PCDH11Y: variants seen among roughly 807,000 people sequenced by gnomAD.
The protein encoded by PCDH11Y is protocadherin-11 Y-linked.
For missense variants in PCDH11Y, 12 were observed against 224.8 expected (o/e 0.05, Z 6.05); for synonymous variants, 9 against 83.6 (o/e 0.11, Z 4.87).
intron 2 of PCDH11Y, among the ~76,000 whole-genome samples, chrY:5,115,850 C>T (rs1602870424): frequency 1.8e-4 from 5 of 27,746 alleles, no homozygotes; most frequent in Admixed American, 6.8e-4. Flanking sequence ...ACGCCATTCT[C>T]CTGCCTCAGC....
chrY:5,223,053 T>C, intron 2 of PCDH11Y, among the ~76,000 whole-genome samples: 2 of 33,191 alleles, frequency 6.0e-5, no homozygotes, highest in African/African-American at 2.4e-4. Context: ...TTATCAATTT[T>C]GTTTATCTTT....
At chrY:5,173,570 G>A (rs2124645897) in intron 2 of PCDH11Y, among the ~76,000 whole-genome samples, 34 of 32,946 alleles carry the variant, frequency 1.0e-3, no homozygotes, top group African/African-American at 3.6e-3. Context: ...ACATCATATG[G>A]GGATTGTGTG....
chrY:5,073,904 A>G lies in PCDH11Y; in HGVS notation c.636+16445A>G, dbSNP rs1602856741. Among the ~76,000 whole-genome samples the G allele has an allele frequency of 1.6e-4, 5 of 32,241 alleles. No individual in the cohort carries two copies. The East Asian group carries it at 4.1e-3, about 26-fold the overall frequency. 86.5% of individuals were successfully genotyped at this position (32,241 alleles called of 37,273 possible). ...ATGTTATTAGTTTCTATACATTTAT[A>G]TTTTCTCAGAGTCTTTTCTGATTAT... On this transcript the variant is annotated intron_variant, in intron 1 of 1. Coordinates refer to ENST00000215473, the Ensembl canonical transcript of PCDH11Y.
chrY:5,205,293 A>G, intron 2 of PCDH11Y, among the ~76,000 whole-genome samples: 1 of 30,660 alleles, frequency 3.3e-5, no homozygotes, highest in African/African-American at 1.3e-4. Context: ...TGTATAGAGC[A>G]TTTTATGTTG....
chrY:5,626,486 C>T (rs2124703135), intron 4 of PCDH11Y, among the ~76,000 whole-genome samples: 1 of 32,177 alleles, frequency 3.1e-5, no homozygotes, highest in East Asian at 8.1e-4. Context: ...GTTCTCTAGG[C>T]GTGATATTAT....
At chrY:5,592,529 GTACT>G in intron 4 of PCDH11Y, among the ~76,000 whole-genome samples, 1 of 31,543 alleles carries the variant, frequency 3.2e-5, no homozygotes. Flanking sequence ...TTCAAGGTTA[GTACT>G]GATATGTATG....
chrY:5,004,304 G>T, intron 1 of PCDH11Y, among the ~76,000 whole-genome samples: 2 of 33,628 alleles, frequency 5.9e-5, no homozygotes, highest in Non-Finnish European at 1.5e-4. Flanking sequence ...TCTGAAGGAC[G>T]TCCAGGTAAT....
chrY:5,502,523 C>T, intron 3 of PCDH11Y, among the ~76,000 whole-genome samples: 1 of 29,822 alleles, frequency 3.4e-5, no homozygotes, highest in Admixed American at 3.2e-4. Flanking sequence ...AAAAATTCCC[C>T]TATACCTTGT....
intron 1 of PCDH11Y, among the ~76,000 whole-genome samples, chrY:5,001,436 A>G (rs2052530211): frequency 2.9e-5 from 1 of 34,407 alleles, no homozygotes; most frequent in African/African-American, 1.1e-4. Context: ...ATGACTTGTA[A>G]TCCCTTAGCC....
At chrY:5,360,803 G>T in intron 2 of PCDH11Y, among the ~76,000 whole-genome samples, 1 of 32,445 alleles carries the variant, frequency 3.1e-5, no homozygotes, top group Non-Finnish European at 7.5e-5. Context: ...GAGTAATCAT[G>T]TGGCTATTTG....
chrY:5,279,293 G>A (rs1195413530), intron 2 of PCDH11Y, among the ~76,000 whole-genome samples: 1 of 28,252 alleles, frequency 3.5e-5, no homozygotes, highest in African/African-American at 1.4e-4. Context: ...CAAGCTACTC[G>A]GGAGGCTGAG....
intron 2 of PCDH11Y, among the ~76,000 whole-genome samples, chrY:5,364,623 TA>T (rs2053178600): frequency 9.7e-5 from 3 of 31,022 alleles, no homozygotes; most frequent in Non-Finnish European, 1.6e-4. Flanking sequence ...TAACAGATTG[TA>T]AAAAAAAATT....
At chrY:5,216,415 A>T (rs2052946378) in intron 2 of PCDH11Y, among the ~76,000 whole-genome samples, 1 of 28,327 alleles carries the variant, frequency 3.5e-5, no homozygotes, top group Non-Finnish European at 8.4e-5. Context: ...CCTCTGTTTG[A>T]CCTGTATCTG....
chrY:5,730,480 A>AT (rs2053603275), intron 4 of PCDH11Y, among the ~76,000 whole-genome samples: 1 of 32,447 alleles, frequency 3.1e-5, no homozygotes, highest in Non-Finnish European at 7.7e-5. Flanking sequence ...ACTTTGCTAA[A>AT]TCTTTTGTGT....
chrY:5,260,699 T>C (rs2053016738), intron 2 of PCDH11Y, among the ~76,000 whole-genome samples: 1 of 22,645 alleles, frequency 4.4e-5, no homozygotes, highest in South Asian at 1.2e-3. Context: ...TCAGGATTGA[T>C]CTGTGATGTT....
At chrY:5,565,685 C>T in intron 3 of PCDH11Y, among the ~76,000 whole-genome samples, 1 of 29,071 alleles carries the variant, frequency 3.4e-5, no homozygotes, top group East Asian at 8.9e-4. Context: ...TCATCCGAAC[C>T]ATACGATTTT....
chrY:5,392,745 C>G, intron 2 of PCDH11Y, among the ~76,000 whole-genome samples: 1 of 33,214 alleles, frequency 3.0e-5, no homozygotes, highest in Non-Finnish European at 7.4e-5. Context: ...TATTTCTTTA[C>G]TTTTCAATGG....
chrY:5,238,927 AG>A (rs2052984366), intron 2 of PCDH11Y, among the ~76,000 whole-genome samples: 1 of 32,893 alleles, frequency 3.0e-5, no homozygotes, highest in East Asian at 8.2e-4. Flanking sequence ...AGGAAACAAT[AG>A]GTGCTGGAGA....
At chrY:5,060,034 T>G in intron 1 of PCDH11Y, among the ~76,000 whole-genome samples, 1 of 32,188 alleles carries the variant, frequency 3.1e-5, no homozygotes, top group Non-Finnish European at 7.5e-5. Flanking sequence ...ATGTGTTGAT[T>G]CATCCATAAA....
Sources: allele counts gnomAD v4.1 joint callset (sites outside exome capture counted in the v4.1 genomes callset), GRCh38; gene constraint gnomAD v4.1.1; transcripts MANE v1.5; gene names NCBI Gene and HGNC (gene_info 2026-07-23, HGNC 2026-07-21).